The following EPB41L1 variants were observed in gnomAD, a reference collection of about 807,000 sequenced individuals.
The protein encoded by EPB41L1 is erythrocyte membrane protein band 4.1 like 1.
Under a neutral mutation model 97.8 loss-of-function variants are expected in EPB41L1, and 29 were observed. The ratio of observed to expected loss-of-function variants is 0.30; its 90% CI spans 0.22 to 0.40. The LOEUF (loss-of-function observed/expected upper bound fraction) is 0.40. Among genes scored for constraint, EPB41L1 ranks in the 10% least tolerant of loss-of-function variants. EPB41L1 has a pLI of 1.00. For missense variants in EPB41L1, 812 were observed against 1,162.3 expected (o/e 0.70, Z 4.38); for synonymous variants, 383 against 459.2 (o/e 0.83, Z 2.12).
chr20:36,153,029 G>A (rs1004753659), upstream of EPB41L1: 17 of 456,602 alleles, frequency 3.7e-5, no homozygotes, highest in Non-Finnish European at 7.0e-5. Context: ...CTCTTCATCC[G>A]CTGCTGAACC....
chr20:36,188,633 CACACACACAGAG>C lies in EPB41L1; in HGVS notation c.1026+136_1026+147del, dbSNP rs1264754232. 3.1e-4 allele frequency: 180 copies of C among 587,252 alleles called. No individual in the cohort carries two copies. The African/African-American group carries it at 3.1e-3, about 10-fold the overall frequency. 36.4% of individuals were successfully genotyped at this position (587,252 alleles called of 1,614,324 possible). On this transcript the variant is annotated intron_variant, in intron 9 of 21. Coordinates refer to ENST00000338074, the MANE Select transcript of EPB41L1 (RefSeq NM_012156.2). The stretch of plus-strand genomic sequence containing the variant: ...ACACACACACACACACACACACACA[CACACACACAGAG>C]AGAGAGAGAGAGAGAGAGAGAGAGG...
chr20:36,155,109 G>A (rs2060235452), intron 1 of EPB41L1: 1 of 495,816 alleles, frequency 2.0e-6, no homozygotes, highest in Admixed American at 2.3e-5. Context: ...CCGGAGGCTG[G>A]GGGTTGGCGG....
At chr20:36,183,657 G>A (rs1180485071) in intron 6 of EPB41L1, among the ~76,000 whole-genome samples, 3 of 152,154 alleles carry the variant, frequency 2.0e-5, no homozygotes, top group East Asian at 1.9e-4. Flanking sequence ...AGCTGATTTC[G>A]CCAAAAATAG....
chr20:36,110,624 C>CAG (rs988955282), intron 1 of EPB41L1: 1 of 99,064 alleles, frequency 1.0e-5, no homozygotes, highest in Non-Finnish European at 2.0e-5. Context: ...GTTTGCTTTA[C>CAG]ACACACACAC....
At chr20:36,170,384 TG>T in intron 1 of EPB41L1, among the ~76,000 whole-genome samples, 1 of 152,240 alleles carries the variant, frequency 6.6e-6, no homozygotes, top group East Asian at 1.9e-4. Context: ...GTTAATACTT[TG>T]CTGAGTTTTC....
upstream of EPB41L1, chr20:36,150,675 G>C (rs917223698): frequency 6.6e-6 from 1 of 152,228 alleles, no homozygotes. Flanking sequence ...TTCAGTGCCA[G>C]AGAATTGCTT....
At position 36,188,635 on chromosome 20, in the gene EPB41L1, CACACACAGAG is replaced by C. The variant is rs1272597024; in HGVS notation, c.1026+138_1026+147del. The C allele has an allele frequency of 2.7e-4, 143 of 528,852 alleles. No individual in the cohort carries two copies. In the African/African-American group the frequency reaches 2.8e-3, roughly 10 times the overall value. The allele number at this position is 528,852 out of a possible 1,614,324, so 32.8% of individuals were successfully genotyped here. ...ACACACACACACACACACACACACA[CACACACAGAG>C]AGAGAGAGAGAGAGAGAGAGAGAGG... is the stretch of plus-strand genomic sequence containing the variant. On this transcript the variant is annotated intron_variant, in intron 9 of 21. Coordinates refer to ENST00000338074, the MANE Select transcript of EPB41L1 (RefSeq NM_012156.2).
Position 36,154,816 on chromosome 20 carries a change from C to A in EPB41L1, c.-95C>A. On this transcript the variant is annotated 5_prime_UTR_variant, in exon 1 of 22. Transcript: ENST00000338074. The surrounding 1 kb of genome is among the most constrained non-coding windows in gnomAD (Gnocchi z 5.5). Reference sequence around the variant, plus strand: ...AGCCCGCCGCGACCCCGCGCCGCCCCGCCCCGCGGCCTGCCTGCCAGAGGA... The same window carrying A: ...AGCCCGCCGCGACCCCGCGCCGCCCAGCCCCGCGGCCTGCCTGCCAGAGGA... The A allele has an allele frequency of 9.1e-6, 9 of 992,974 alleles. No individual in the cohort carries two copies. Among genetic ancestry groups the A allele is most frequent in the Non-Finnish European group, 1.1e-5 (9 of 834,770 alleles). The allele number at this position is 992,974 out of a possible 1,614,324, so 61.5% of individuals were successfully genotyped here. A position where few individuals can be genotyped will look rare whatever the true frequency, so the allele number is the denominator to read the frequency against.
chr20:36,143,839 CTTTTTCTTTT>C (rs1194247695), intron 2 of EPB41L1, among the ~76,000 whole-genome samples: 15 of 144,098 alleles, frequency 1.0e-4, no homozygotes, highest in African/African-American at 3.9e-4. Context: ...TTTTCTTTTT[CTTTTTCTTTT>C]TTTTTCTTTT....
chr20:36,153,818 T>C (rs1211081615), upstream of EPB41L1, among the ~76,000 whole-genome samples: 1 of 151,818 alleles, frequency 6.6e-6, no homozygotes, highest in African/African-American at 2.4e-5. Flanking sequence ...TCGGATTGTG[T>C]GAGATGGAGG....
chr20:36,141,459 A>C (rs1214804671), intron 2 of EPB41L1, among the ~76,000 whole-genome samples: 1 of 152,054 alleles, frequency 6.6e-6, no homozygotes, highest in Non-Finnish European at 1.5e-5. Context: ...AGACTGTGGG[A>C]ATTGGCTAGA....
intron 2 of EPB41L1, among the ~76,000 whole-genome samples, chr20:36,114,443 TA>T (rs999272782): frequency 6.6e-5 from 10 of 152,096 alleles, no homozygotes; most frequent in African/African-American, 2.2e-4. Context: ...ACCCAGGTGA[TA>T]GGGGTGGTGC....
rs1191625085 is a variant in EPB41L1, at chr20:36,182,260, A to G, written c.491-12A>G. The G allele has an allele frequency of 1.9e-6, 3 of 1,613,492 alleles. No individual in the cohort carries two copies. Among genetic ancestry groups the G allele is most frequent in the Non-Finnish European group, 2.5e-6 (3 of 1,179,608 alleles). ...TTAGGGCCTCGCTGATCTCTCTCCC[A>G]TCTCCTCTCAGGTAGCCCCTGGAAT... On this transcript the variant is annotated splice_polypyrimidine_tract_variant and intron_variant, in intron 5 of 21. Transcript: ENST00000338074.
At position 36,207,277 on chromosome 20, in the gene EPB41L1, C is replaced by T. The variant is rs1011256466; in HGVS notation, c.1669-2211C>T. 4.5e-5 allele frequency: 57 copies of T among 1,280,216 alleles called. No homozygotes were observed. Among genetic ancestry groups the T allele is most frequent in the Non-Finnish European group, 5.1e-5 (50 of 983,300 alleles). 79.3% of individuals were successfully genotyped at this position (1,280,216 alleles called of 1,614,324 possible). ...GGTGTCCCCTGCCACAGGAGGTGAGCGCAGGCCTCCTCCCATCACCAGCAG... is the reference window on the plus strand; with the variant it reads ...GGTGTCCCCTGCCACAGGAGGTGAGTGCAGGCCTCCTCCCATCACCAGCAG... On this transcript the variant is annotated intron_variant, in intron 14 of 21. Coordinates refer to ENST00000338074, the MANE Select transcript of EPB41L1 (RefSeq NM_012156.2). The surrounding 1 kb of genome is among the most constrained non-coding windows in gnomAD (Gnocchi z 4.9).
chr20:36,135,187 G>A (rs1569097463), intron 2 of EPB41L1, among the ~76,000 whole-genome samples: 1 of 152,062 alleles, frequency 6.6e-6, no homozygotes, highest in South Asian at 2.1e-4. Context: ...TATTATCACG[G>A]CCTGCAACCC....
intron 21 of EPB41L1, among the ~76,000 whole-genome samples, chr20:36,228,336 C>T (rs1368289081): frequency 6.6e-6 from 1 of 152,144 alleles, no homozygotes; most frequent in Non-Finnish European, 1.5e-5. Flanking sequence ...TATGCTGGGC[C>T]CTTGCTTCAG....
At chr20:36,150,420 C>T (rs1379645646), upstream of EPB41L1, 2 of 152,114 alleles carry the variant, frequency 1.3e-5, no homozygotes, top group Non-Finnish European at 2.9e-5. Context: ...TTTATATTTA[C>T]AGCACATTTT....
At chr20:36,102,576 T>C (rs2058054879) in intron 1 of EPB41L1, among the ~76,000 whole-genome samples, 1 of 152,210 alleles carries the variant, frequency 6.6e-6, no homozygotes, top group Admixed American at 6.5e-5. Context: ...CAAGTTTCCA[T>C]GCAGCTTTGA....
chr20:36,100,019 C>T (rs1601203176), intron 1 of EPB41L1, among the ~76,000 whole-genome samples: 1 of 152,226 alleles, frequency 6.6e-6, no homozygotes, highest in African/African-American at 2.4e-5. Context: ...CCATCTCTGC[C>T]TACTCTGGTG....
Sources: gnomAD v4.1 joint callset for allele counts (sites outside exome capture counted in the v4.1 genomes callset) on GRCh38, gnomAD v4.1.1 for gene constraint, Gnocchi (gnomAD v3.1) non-coding constraint, MANE v1.5 for transcripts, NCBI Gene and HGNC (gene_info 2026-07-23, HGNC 2026-07-21) for gene names.